The following ADCY2 variants were observed in gnomAD, a reference collection of about 807,000 sequenced individuals.
ADCY2 encodes adenylate cyclase 2, also known as adenylate cyclase type 2.
Under a neutral mutation model 125.2 loss-of-function variants are expected in ADCY2, and 31 were observed. That is an observed-to-expected ratio of 0.25 (90% CI 0.19 to 0.33). The LOEUF (loss-of-function observed/expected upper bound fraction) is 0.33. Ranked by LOEUF, ADCY2 falls within the 10% of genes least tolerant of loss-of-function variation. ADCY2 has a pLI of 1.00. For missense variants in ADCY2, 904 were observed against 1,418.2 expected (o/e 0.64, Z 5.82); for synonymous variants, 512 against 548.4 (o/e 0.93, Z 0.93).
At chr5:7,553,462 G>A (rs951077124) in intron 3 of ADCY2, among the ~76,000 whole-genome samples, 1 of 152,212 alleles carries the variant, frequency 6.6e-6, no homozygotes, top group Admixed American at 6.5e-5. Flanking sequence ...GAAAGTCTGG[G>A]CCTTCTTTTC....
intron 12 of ADCY2, 26 bp from the exon 13 acceptor site, chr5:7,724,519 G>T: frequency 1.3e-6 from 2 of 1,572,786 alleles, no homozygotes; most frequent in Middle Eastern, 1.7e-4. Context: ...TCAGTTTTAT[G>T]ATGTGTTGGC....
intron 3 of ADCY2, among the ~76,000 whole-genome samples, chr5:7,594,481 T>C (rs1025958483): frequency 6.6e-6 from 1 of 152,224 alleles, no homozygotes; most frequent in African/African-American, 2.4e-5. Flanking sequence ...GTTTTCTAGC[T>C]TTTGAAACAA....
intron 7 of ADCY2, among the ~76,000 whole-genome samples, chr5:7,698,847 T>C (rs1366709156): frequency 6.6e-6 from 1 of 152,158 alleles, no homozygotes; most frequent in Non-Finnish European, 1.5e-5. Context: ...GCAATAAACA[T>C]ACGTGTGCAT....
chr5:7,705,095 C>G (rs1029687350), intron 7 of ADCY2, among the ~76,000 whole-genome samples: 16 of 152,160 alleles, frequency 1.1e-4, no homozygotes, highest in African/African-American at 3.6e-4. Context: ...AGAAACGCCA[C>G]GTGGTTGGAA....
At chr5:7,793,177 G>A (rs1324573455) in intron 20 of ADCY2, among the ~76,000 whole-genome samples, 3 of 152,214 alleles carry the variant, frequency 2.0e-5, no homozygotes, top group Non-Finnish European at 2.9e-5. Flanking sequence ...AGCTGGGTGC[G>A]GTGGCTCAGG....
At chr5:7,556,547 A>G (rs1735512304) in intron 3 of ADCY2, among the ~76,000 whole-genome samples, 1 of 152,148 alleles carries the variant, frequency 6.6e-6, no homozygotes, top group Non-Finnish European at 1.5e-5. Context: ...TTTCAACATT[A>G]TATGTTTTGA....
At chr5:7,772,825 C>T in intron 17 of ADCY2, 107 bp from the exon 18 acceptor site, 1 of 1,071,620 alleles carries the variant, frequency 9.3e-7, no homozygotes, top group South Asian at 1.7e-5. Context: ...TCACAGCCAC[C>T]TTATATGTTG....
intron 3 of ADCY2, among the ~76,000 whole-genome samples, chr5:7,571,660 G>A (rs960561258): frequency 4.6e-5 from 7 of 152,100 alleles, no homozygotes; most frequent in African/African-American, 1.4e-4. Flanking sequence ...TTACTTTTAA[G>A]TTCATGGGTA....
intron 2 of ADCY2, among the ~76,000 whole-genome samples, chr5:7,512,871 C>G (rs1292243719): frequency 6.6e-6 from 1 of 152,010 alleles, no homozygotes; most frequent in Non-Finnish European, 1.5e-5. Flanking sequence ...GCATTGAGAC[C>G]TGAACTGCTG....
chr5:7,811,628 A>T (rs1744947457), intron 22 of ADCY2, among the ~76,000 whole-genome samples: 1 of 152,218 alleles, frequency 6.6e-6, no homozygotes, highest in Admixed American at 6.5e-5. Context: ...ATATCTAAAC[A>T]AATCCAATGG....
chr5:7,583,574 T>A (rs559848835), intron 3 of ADCY2, among the ~76,000 whole-genome samples: 2 of 152,016 alleles, frequency 1.3e-5, no homozygotes, highest in Admixed American at 1.3e-4. Context: ...TACCCATATA[T>A]CAAAATGACT....
At chr5:7,825,194 G>A (rs1005212965) in intron 24 of ADCY2, among the ~76,000 whole-genome samples, 8 of 152,146 alleles carry the variant, frequency 5.3e-5, no homozygotes, top group Non-Finnish European at 5.9e-5. Flanking sequence ...CGACAACGCT[G>A]CTGTGCGCCA....
intron 4 of ADCY2, among the ~76,000 whole-genome samples, chr5:7,658,431 GTA>G (rs1554029046): frequency 0.02 from 2,874 of 142,870 alleles, 29 homozygotes; most frequent in Non-Finnish European, 0.023. Flanking sequence ...GTGTGTGTGT[GTA>G]TATATATATA....
intron 2 of ADCY2, among the ~76,000 whole-genome samples, chr5:7,497,378 G>A (rs768596398): frequency 2.0e-5 from 3 of 152,146 alleles, no homozygotes; most frequent in Non-Finnish European, 4.4e-5. Context: ...AAGTATAAAT[G>A]TGTCATTTCG....
At chr5:7,660,619 A>G (rs1003092754) in intron 4 of ADCY2, among the ~76,000 whole-genome samples, 1 of 152,336 alleles carries the variant, frequency 6.6e-6, no homozygotes, top group South Asian at 2.1e-4. Context: ...GGCTGGAGAC[A>G]TAGGTAGAAT....
Position 7,743,772 on chromosome 5 carries a change from G to A in ADCY2, c.1956+20G>A, listed in dbSNP as rs150715752. 565 of 1,607,450 alleles carry A rather than the reference G, an allele frequency of 3.5e-4. 4 individuals are homozygous for A. In the African/African-American group the frequency reaches 5.7e-3, roughly 16 times the overall value. Reference sequence around the variant, plus strand: ...CTTCTGGTAGGTATTCAAATGTGGCGCTTCTTTGAAAAGTATGCTCATTTC... The same window carrying A: ...CTTCTGGTAGGTATTCAAATGTGGCACTTCTTTGAAAAGTATGCTCATTTC... On this transcript the variant is annotated intron_variant, in intron 15 of 24. Transcript: ENST00000338316.
rs915737607 is a variant in ADCY2, at chr5:7,780,577, AT to A, written c.2385-3781del. 3.9e-5 allele frequency among the ~76,000 whole-genome samples: 6 copies of A among 152,216 alleles called. No individual in the cohort carries two copies. In the South Asian group the frequency reaches 6.2e-4, roughly 16 times the overall value. On this transcript the variant is annotated intron_variant, in intron 18 of 24. Coordinates refer to ENST00000338316, the MANE Select transcript of ADCY2 (RefSeq NM_020546.3). ...GTGGCCCTCAGTGATCAGTGAACCG[AT>A]TTTTTTATTTATCCCAATTAGTGAC...
At chr5:7,616,979 T>C (rs1014507098) in intron 3 of ADCY2, among the ~76,000 whole-genome samples, 10 of 152,154 alleles carry the variant, frequency 6.6e-5, no homozygotes, top group Non-Finnish European at 1.3e-4. Context: ...TTGTCCCCTC[T>C]GAAACTCATG....
intron 2 of ADCY2, among the ~76,000 whole-genome samples, chr5:7,515,597 T>C (rs1744226885): frequency 6.6e-6 from 1 of 152,252 alleles, no homozygotes; most frequent in Admixed American, 6.5e-5. Flanking sequence ...GATTAGCATG[T>C]CTATAGCTAA....
Sources: allele counts gnomAD v4.1 joint callset (sites outside exome capture counted in the v4.1 genomes callset), GRCh38; gene constraint gnomAD v4.1.1; transcripts MANE v1.5; gene names NCBI Gene and HGNC (gene_info 2026-07-23, HGNC 2026-07-21).